The following LRP4 variants were observed in gnomAD, a reference collection of about 807,000 sequenced individuals.
The protein encoded by LRP4 is low-density lipoprotein receptor-related protein 4.
In LRP4, 95 loss-of-function variants were observed where a neutral mutation model predicts 220.3. That is an observed-to-expected ratio of 0.43 (90% CI 0.37 to 0.51). The LOEUF is 0.51. Ranked by LOEUF, LRP4 falls within the 20% of genes least tolerant of loss-of-function variation. The pLI is 0.00. For synonymous variants in LRP4, 903 were observed against 954.6 expected, an observed-to-expected ratio of 0.95 and a Z score of 1.00; for missense variants, 1,925 against 2,567.0, an observed-to-expected ratio of 0.75 and a Z score of 5.40.
intron 1 of LRP4, among the ~76,000 whole-genome samples, chr11:46,903,438 G>A (rs1941705866): frequency 6.6e-6 from 1 of 152,006 alleles, no homozygotes; most frequent in African/African-American, 2.4e-5. Flanking sequence ...AGGCTGCAGT[G>A]AGCTATGATC....
chr11:46,885,437 T>A (rs1941266303), intron 18 of LRP4, among the ~76,000 whole-genome samples: 1 of 152,134 alleles, frequency 6.6e-6, no homozygotes, highest in Non-Finnish European at 1.5e-5. Flanking sequence ...TAGCACTTGT[T>A]CAGGGTATCC....
At chr11:46,910,504 A>G (rs1034595281) in intron 1 of LRP4, among the ~76,000 whole-genome samples, 1 of 151,890 alleles carries the variant, frequency 6.6e-6, no homozygotes, top group Non-Finnish European at 1.5e-5. Context: ...ACATCCAACC[A>G]CTCCATGATT....
intron 16 of LRP4, 106 bp downstream of exon 16, chr11:46,889,305 A>C: frequency 1.1e-5 from 16 of 1,422,042 alleles, no homozygotes; most frequent in Admixed American, 1.7e-5. Flanking sequence ...TCCCTGAGGA[A>C]TGTGGTTTTT....
At chr11:46,872,721 G>A (rs1428674891) in intron 30 of LRP4, among the ~76,000 whole-genome samples, 2 of 152,172 alleles carry the variant, frequency 1.3e-5, no homozygotes, top group African/African-American at 4.8e-5. Flanking sequence ...TCCAGCCTGG[G>A]CAACAGAGCA....
chr11:46,903,670 G>A (rs1395874401), intron 1 of LRP4, among the ~76,000 whole-genome samples: 1 of 152,174 alleles, frequency 6.6e-6, no homozygotes, highest in African/African-American at 2.4e-5. Context: ...ACCAGACCCT[G>A]GGATGTTGGC....
At chr11:46,895,795 T>A in intron 10 of LRP4, 89 bp downstream of exon 10, 1 of 1,574,992 alleles carries the variant, frequency 6.3e-7, no homozygotes, top group Non-Finnish European at 8.6e-7. Context: ...GTCACACCGT[T>A]CAAATGCCTG....
chr11:46,868,939 A>G (rs372352282), intron 32 of LRP4, 49 bp downstream of exon 32: 3 of 1,613,430 alleles, frequency 1.9e-6, no homozygotes, highest in Non-Finnish European at 2.5e-6. Context: ...GGGTTGACCG[A>G]CCAATCCCAC....
intron 15 of LRP4, 94 bp from the exon 16 acceptor site, chr11:46,889,627 C>T (rs538718907): frequency 8.5e-6 from 13 of 1,528,260 alleles, no homozygotes; most frequent in South Asian, 2.3e-5. Context: ...TGATAGTTCC[C>T]TGAAGGGAGA....
intron 12 of LRP4, 98 bp downstream of exon 12, chr11:46,894,491 C>T: frequency 1.1e-6 from 1 of 884,504 alleles, no homozygotes; most frequent in Non-Finnish European, 1.8e-6. Flanking sequence ...AAAAAGATGT[C>T]CTGCTGCCTA....
In LRP4 at chr11:46,875,242, G is replaced by T; in HGVS notation, c.3926-139C>A. The stretch of plus-strand genomic sequence containing the variant: ...GCCTGGCAGGGTGAGGTAGAAGGAG[G>T]GTCTGCAGGAGGATCTCCAGGAGTC... On this transcript the variant is annotated intron_variant, in intron 27 of 37. Coordinates refer to ENST00000378623, the MANE Select transcript of LRP4 (RefSeq NM_002334.4). This position sits in a 1 kb window ranked among gnomAD's most constrained non-coding sequence, Gnocchi z 4.5. 3.0e-6 allele frequency: 3 copies of T among 990,524 alleles called. No homozygotes were observed. Among genetic ancestry groups the T allele is most frequent in the Non-Finnish European group, 3.1e-6 (2 of 651,220 alleles). The allele number at this position is 990,524 out of a possible 1,614,324, so 61.4% of individuals were successfully genotyped here.
intron 36 of LRP4, 37 bp downstream of exon 36, chr11:46,864,410 CA>C: frequency 1.5e-5 from 21 of 1,383,252 alleles, no homozygotes; most frequent in South Asian, 2.3e-5. Context: ...TCATGAAGAC[CA>C]ATGAGCATGT....
rs1941385029 is a variant in LRP4 at position 46,889,978 on chromosome 11, G to A, written c.2058C>T (p.Asp686=). 2 of 1,614,074 alleles carry A rather than the reference G, an allele frequency of 1.2e-6. No individual in the cohort carries two copies. Among genetic ancestry groups the A allele is most frequent in the Non-Finnish European group, 1.7e-6 (2 of 1,180,040 alleles). Residue 686 remains aspartate (D), a synonymous_variant, in exon 15 of 38, where the codon GAC becomes GAT. Transcript: ENST00000378623. ...IIRNKLHFPM[D]IHTLHPQRQP... The stretch of plus-strand genomic sequence containing the variant: ...GGCGCTGGGGGTGCAAGGTGTGGAT[G>A]TCCATAGGGAAGTGGAGTTTGTTGC...
In LRP4 at chr11:46,857,509, A is replaced by G. The variant is rs1940410705; in HGVS notation, c.*1474T>C. 1 of 152,088 alleles carries G rather than the reference A, an allele frequency of 6.6e-6. No homozygotes were observed. The highest frequency in any genetic ancestry group is 1.5e-5 in the Non-Finnish European group (1 of 68,052). The allele number at this position is 152,088 out of a possible 1,614,324, so 9.4% of individuals were successfully genotyped here. A position where few individuals can be genotyped will look rare whatever the true frequency, so the allele number is the denominator to read the frequency against. On this transcript the variant is annotated 3_prime_UTR_variant, in exon 38 of 38. Coordinates refer to ENST00000378623, the MANE Select transcript of LRP4 (RefSeq NM_002334.4). The stretch of plus-strand genomic sequence containing the variant: ...GTCTGCCATGGGCTAGGAGGGCCTC[A>G]TCAGTGGTGCTCTCTACCTTCCTAC...
chr11:46,868,846 G>A (rs1940778577), intron 32 of LRP4, 133 bp from the exon 33 acceptor site: 1 of 1,294,784 alleles, frequency 7.7e-7, no homozygotes, highest in Non-Finnish European at 1.1e-6. Context: ...ACAACCGCGA[G>A]GGAGTAAAAA....
At chr11:46,876,880 G>C in intron 23 of LRP4, 50 bp from the exon 24 acceptor site, 2 of 1,350,106 alleles carry the variant, frequency 1.5e-6, no homozygotes, top group Middle Eastern at 4.1e-4. Flanking sequence ...CCTACAATGG[G>C]ACACACACAG....
At chr11:46,865,701 T>A (rs1285086448) in intron 34 of LRP4, among the ~76,000 whole-genome samples, 3 of 152,242 alleles carry the variant, frequency 2.0e-5, no homozygotes, top group African/African-American at 7.2e-5. Context: ...TGGTACATTA[T>A]GAGCAGGCAA....
Position 46,856,969 on chromosome 11 carries a change from C to T in LRP4, c.*2014G>A, listed in dbSNP as rs577539585. On this transcript the variant is annotated 3_prime_UTR_variant, in exon 38 of 38. Coordinates refer to ENST00000378623, the MANE Select transcript of LRP4 (RefSeq NM_002334.4). The surrounding 1 kb of genome is among the most constrained non-coding windows in gnomAD (Gnocchi z 4.1). ...AAAGTCCAATCTCTCCAGTGAGTAACGTTAAAACCATTACACATGAGCATG... is the reference window on the plus strand; with the variant it reads ...AAAGTCCAATCTCTCCAGTGAGTAATGTTAAAACCATTACACATGAGCATG... 8.5e-5 allele frequency: 13 copies of T among 152,722 alleles called. No individual in the cohort carries two copies. In the South Asian group the frequency reaches 2.5e-3, roughly 29 times the overall value. The allele number at this position is 152,722 out of a possible 1,614,324, so 9.5% of individuals were successfully genotyped here.
At chr11:46,898,505 C>G (rs1326217921) in intron 7 of LRP4, 53 bp downstream of exon 7, 5 of 1,612,494 alleles carry the variant, frequency 3.1e-6, no homozygotes, top group Non-Finnish European at 4.2e-6. Flanking sequence ...CTCTTTGGCT[C>G]CACAAGCCTT....
At chr11:46,865,041 A>G (rs1368020306) in intron 35 of LRP4, 78 bp downstream of exon 35, 1 of 1,228,658 alleles carries the variant, frequency 8.1e-7, no homozygotes, top group Non-Finnish European at 1.2e-6. Context: ...AGTCCCAATG[A>G]AGGTTATGAA....
Sources: allele counts gnomAD v4.1 joint callset (sites outside exome capture counted in the v4.1 genomes callset), GRCh38; gene constraint gnomAD v4.1.1; non-coding constraint Gnocchi (gnomAD v3.1); transcripts MANE v1.5; gene names NCBI Gene and HGNC (gene_info 2026-07-23, HGNC 2026-07-21).